The following PALM2AKAP2 variants were observed in gnomAD, a reference collection of about 807,000 sequenced individuals.
PALM2AKAP2 encodes PALM2-AKAP2 fusion protein.
PALM2AKAP2 carries 37 observed loss-of-function variants against 71.5 expected under a neutral mutation model. The observed-to-expected ratio is 0.52, with a 90% CI of 0.40 to 0.68. PALM2AKAP2 has a LOEUF of 0.68. Among genes scored for constraint, PALM2AKAP2 ranks in the 30% least tolerant of loss-of-function variants. PALM2AKAP2 has a pLI of 0.00. For synonymous variants in PALM2AKAP2, 468 were observed against 478.8 expected (o/e 0.98, Z 0.29); for missense variants, 1,224 against 1,191.8 (o/e 1.03, Z -0.40).
At chr9:109,673,880 T>C (rs1020028505) in intron 1 of PALM2AKAP2, among the ~76,000 whole-genome samples, 4 of 152,162 alleles carry the variant, frequency 2.6e-5, no homozygotes, top group African/African-American at 7.2e-5. Flanking sequence ...TTGACCTTTG[T>C]TGGTTTAAAG....
At chr9:110,102,378 T>C (rs1266493428) in intron 1 of PALM2AKAP2, among the ~76,000 whole-genome samples, 1 of 152,232 alleles carries the variant, frequency 6.6e-6, no homozygotes, top group Non-Finnish European at 1.5e-5. Flanking sequence ...TATTAAATAT[T>C]AGAGTATAAA....
intron 1 of PALM2AKAP2, among the ~76,000 whole-genome samples, chr9:109,785,737 A>G (rs931088898): frequency 1.3e-5 from 2 of 152,110 alleles, no homozygotes; most frequent in African/African-American, 4.8e-5. Flanking sequence ...ACCTCCTACC[A>G]TGTCCCTCCC....
At chr9:109,951,416 G>A (rs1373372734) in intron 6 of PALM2AKAP2, among the ~76,000 whole-genome samples, 1 of 152,204 alleles carries the variant, frequency 6.6e-6, no homozygotes. Context: ...TGTACTTGTA[G>A]CTTCTCTCTG....
chr9:110,017,516 T>C (rs1833002301), intron 7 of PALM2AKAP2, among the ~76,000 whole-genome samples: 1 of 152,210 alleles, frequency 6.6e-6, no homozygotes, highest in African/African-American at 2.4e-5. Flanking sequence ...ATGACCACAT[T>C]GGACGAAGGG....
chr9:109,970,993 C>T (rs1832054714), intron 6 of PALM2AKAP2, among the ~76,000 whole-genome samples: 1 of 152,220 alleles, frequency 6.6e-6, no homozygotes, highest in South Asian at 2.1e-4. Flanking sequence ...CACCTGTAGT[C>T]CCAGCTACTC....
chr9:109,914,056 A>G (rs1047152894), intron 3 of PALM2AKAP2, among the ~76,000 whole-genome samples: 1 of 152,146 alleles, frequency 6.6e-6, no homozygotes, highest in Non-Finnish European at 1.5e-5. Flanking sequence ...GCGCCCGGCC[A>G]AGATGCTTAT....
At chr9:110,030,206 G>A (rs148788394) in intron 7 of PALM2AKAP2, among the ~76,000 whole-genome samples, 6 of 152,176 alleles carry the variant, frequency 3.9e-5, no homozygotes, top group Non-Finnish European at 7.4e-5. Context: ...GATAGGAAGT[G>A]GGGGGAAGGG....
At chr9:109,680,274 C>T (rs941583987) in intron 1 of PALM2AKAP2, among the ~76,000 whole-genome samples, 1 of 152,128 alleles carries the variant, frequency 6.6e-6, no homozygotes, top group African/African-American at 2.4e-5. Context: ...GCAGGCAGGC[C>T]CAGAGATACG....
At chr9:109,817,648 A>C (rs1289815176) in intron 1 of PALM2AKAP2, among the ~76,000 whole-genome samples, 2 of 152,230 alleles carry the variant, frequency 1.3e-5, no homozygotes, top group Non-Finnish European at 2.9e-5. Flanking sequence ...TAGAGCCCAG[A>C]GGGATGCTCA....
intron 1 of PALM2AKAP2, among the ~76,000 whole-genome samples, chr9:109,857,621 A>G (rs1829202232): frequency 6.6e-6 from 1 of 152,204 alleles, no homozygotes; most frequent in Non-Finnish European, 1.5e-5. Context: ...CCCAGAGCCA[A>G]ACAAAAGCTA....
At chr9:109,749,341 G>A (rs933205224) in intron 1 of PALM2AKAP2, among the ~76,000 whole-genome samples, 1 of 152,006 alleles carries the variant, frequency 6.6e-6, no homozygotes, top group Non-Finnish European at 1.5e-5. Context: ...ACTTTCCTGG[G>A]CCTAGGCAAG....
At chr9:109,934,308 A>C (rs974269718) in intron 6 of PALM2AKAP2, among the ~76,000 whole-genome samples, 5 of 152,020 alleles carry the variant, frequency 3.3e-5, no homozygotes, top group African/African-American at 1.2e-4. Context: ...CCTCTGATGG[A>C]GCCATCATTT....
At chr9:110,011,149 G>T in intron 6 of PALM2AKAP2, among the ~76,000 whole-genome samples, 1 of 144,966 alleles carries the variant, frequency 6.9e-6, no homozygotes, top group Non-Finnish European at 1.5e-5. Context: ...TATATGTGGA[G>T]AATATGTGTA....
intron 1 of PALM2AKAP2, among the ~76,000 whole-genome samples, chr9:109,709,240 G>A (rs1262821208): frequency 3.3e-5 from 5 of 152,240 alleles, no homozygotes; most frequent in Non-Finnish European, 5.9e-5. Flanking sequence ...GGACCTGACT[G>A]TGACACCCTG....
At chr9:109,655,120 C>T (rs895219590) in intron 1 of PALM2AKAP2, among the ~76,000 whole-genome samples, 1 of 151,952 alleles carries the variant, frequency 6.6e-6, no homozygotes, top group African/African-American at 2.4e-5. Context: ...AGGGTTTCAC[C>T]ATGTCTCTAC....
chr9:109,839,646 C>T (rs1222156546), intron 1 of PALM2AKAP2, among the ~76,000 whole-genome samples: 1 of 152,190 alleles, frequency 6.6e-6, no homozygotes, highest in Non-Finnish European at 1.5e-5. Flanking sequence ...CCCAAATCTC[C>T]TTAAGCTGAT....
chr9:110,114,054 G>A (rs1373083543), intron 1 of PALM2AKAP2, among the ~76,000 whole-genome samples: 2 of 152,090 alleles, frequency 1.3e-5, no homozygotes, highest in Non-Finnish European at 1.5e-5. Context: ...GATTTCCTAG[G>A]GCAGCTATAA....
At chr9:109,917,711 C>G (rs904527382) in intron 3 of PALM2AKAP2, among the ~76,000 whole-genome samples, 4 of 152,090 alleles carry the variant, frequency 2.6e-5, no homozygotes, top group Admixed American at 6.6e-5. Context: ...TCAGGCTGGT[C>G]TCATCCTCCT....
At chr9:109,905,341 C>T (rs922847737) in intron 3 of PALM2AKAP2, among the ~76,000 whole-genome samples, 8 of 152,044 alleles carry the variant, frequency 5.3e-5, no homozygotes, top group East Asian at 1.9e-4. Flanking sequence ...CCAGGGGGCA[C>T]GCATGAGCCA....
Sources: allele counts gnomAD v4.1 joint callset (sites outside exome capture counted in the v4.1 genomes callset), GRCh38; gene constraint gnomAD v4.1.1; transcripts MANE v1.5; gene names NCBI Gene and HGNC (gene_info 2026-07-23, HGNC 2026-07-21).